Variants in ZIC4 observed in about 807,000 individuals in gnomAD.
ZIC4 encodes Zic family zinc finger 4, also known as zinc finger protein ZIC 4.
ZIC4 carries 15 observed loss-of-function variants against 28.8 expected under a neutral mutation model. That is an observed-to-expected ratio of 0.52 (90% CI 0.35 to 0.80). ZIC4 has a LOEUF of 0.80. ZIC4 is among the 30% of genes least tolerant of loss of function. ZIC4 has a pLI of 0.01. For synonymous variants in ZIC4, 220 were observed against 198.1 expected (o/e 1.11, Z -0.93); for missense variants, 512 against 467.1 (o/e 1.10, Z -0.89).
rs745722053 is a variant in ZIC4, at chr3:147,402,768, C to T, written c.30G>A (p.Arg10=). 4 of 1,613,708 alleles carry T rather than the reference C, an allele frequency of 2.5e-6. No individual in the cohort carries two copies. In the East Asian group the frequency reaches 6.7e-5, roughly 27 times the overall value. MRYKTSLVM[R]KRLRLYRNTL... ...TGTTTCGGTAAAGCCGTAATCGTTTCCTCATCACCAAGGATGTCTTGTATC... is the reference window on the plus strand; with the variant it reads ...TGTTTCGGTAAAGCCGTAATCGTTTTCTCATCACCAAGGATGTCTTGTATC... Residue 10 remains arginine, a synonymous_variant, in exon 2 of 5, where the codon AGG becomes AGA. Coordinates refer to ENST00000383075, the MANE Select transcript of ZIC4 (RefSeq NM_032153.6).
chr3:147,395,812 C>T, intron 3 of ZIC4, 40 bp downstream of exon 3: 2 of 1,577,902 alleles, frequency 1.3e-6, no homozygotes, highest in African/African-American at 1.3e-5. Context: ...GCCTGCTTCC[C>T]CAGAGGGTCC....
At position 147,389,075 on chromosome 3, in the gene ZIC4, T is replaced by C. The variant is rs576428097; in HGVS notation, c.*-216A>G. 4.2e-5 allele frequency: 25 copies of C among 592,112 alleles called. No individual in the cohort carries two copies. The South Asian group carries it at 5.0e-4, about 12-fold the overall frequency. 36.7% of individuals were successfully genotyped at this position (592,112 alleles called of 1,614,324 possible). ...TGCACCTTAGTGGTGGGGTTGGTGT[T>C]TCACTATGGGAAGGAGTTGTTTGTT... On this transcript the variant is annotated intron_variant, in intron 4 of 4. Coordinates refer to ENST00000383075, the MANE Select transcript of ZIC4 (RefSeq NM_032153.6).
intron 1 of ZIC4, chr3:147,404,020 C>A: frequency 1.3e-6 from 2 of 1,537,100 alleles, no homozygotes; most frequent in East Asian, 4.9e-5. Context: ...GCATTCTTCC[C>A]CAAAGGTAAT....
At chr3:147,405,348 T>A in intron 1 of ZIC4, 2 of 1,526,910 alleles carry the variant, frequency 1.3e-6, no homozygotes, top group Non-Finnish European at 8.8e-7. Flanking sequence ...AGGACAATAC[T>A]GTCGGAAAGC....
rs751062626 is a variant in ZIC4 at position 147,388,819 on chromosome 3, T to A, written c.*40A>T. On this transcript the variant is annotated 3_prime_UTR_variant, in exon 5 of 5. Coordinates refer to ENST00000383075, the MANE Select transcript of ZIC4 (RefSeq NM_032153.6). ...AGGCGCGAGATGCGGGGCGCTCAGC[T>A]GCGCGGAGCGAGATTACCTTGCGAG... The A allele has an allele frequency of 1.3e-6, 1 of 776,864 alleles. No homozygotes were observed. The highest frequency in any genetic ancestry group is 2.4e-5 in the East Asian group (1 of 41,180). The allele number at this position is 776,864 out of a possible 1,614,324, so 48.1% of individuals were successfully genotyped here.
At position 147,388,823 on chromosome 3, in the gene ZIC4, C is replaced by T; in HGVS notation, c.*36G>A. 3 of 777,760 alleles carry T rather than the reference C, an allele frequency of 3.9e-6. No individual in the cohort carries two copies. The South Asian group carries it at 4.1e-5, about 11-fold the overall frequency. 48.2% of individuals were successfully genotyped at this position (777,760 alleles called of 1,614,324 possible). On this transcript the variant is annotated 3_prime_UTR_variant, in exon 5 of 5. Coordinates refer to ENST00000383075, the MANE Select transcript of ZIC4 (RefSeq NM_032153.6). ...GCGAGATGCGGGGCGCTCAGCTGCG[C>T]GGAGCGAGATTACCTTGCGAGCAAC...
Position 147,396,558 on chromosome 3 carries a change from C to T in ZIC4, c.71-89G>A. The T allele has an allele frequency of 1.4e-6, 2 of 1,426,650 alleles. No individual in the cohort carries two copies. Among genetic ancestry groups the T allele is most frequent in the South Asian group, 1.5e-5 (1 of 64,628 alleles). The allele number at this position is 1,426,650 out of a possible 1,614,324, so 88.4% of individuals were successfully genotyped here. A position where few individuals can be genotyped will look rare whatever the true frequency, so the allele number is the denominator to read the frequency against. Reference sequence around the variant, plus strand: ...CCCCGGGGGGCAGGCCCAGCCCTGCCGCACTACGGCCTCTGCAGTCAGCCG... The same window carrying T: ...CCCCGGGGGGCAGGCCCAGCCCTGCTGCACTACGGCCTCTGCAGTCAGCCG... On this transcript the variant is annotated intron_variant, in intron 2 of 4. Coordinates refer to ENST00000383075, the MANE Select transcript of ZIC4 (RefSeq NM_032153.6). This position sits in a 1 kb window ranked among gnomAD's most constrained non-coding sequence, Gnocchi z 4.2.
Position 147,396,267 on chromosome 3 carries a change from A to T in ZIC4, c.273T>A (p.Ala91=). ...GPAARSDALA[A]AAALHGYGGM... is the part of the protein sequence containing the mutation. ...CCCCGTAGCCATGCAGGGCTGCGGC[A>T]GCTGCCAGGGCGTCGCTGCGGGCCG... Residue 91 remains alanine, a synonymous_variant, in exon 3 of 5, where the codon GCT becomes GCA. Coordinates refer to ENST00000383075, the MANE Select transcript of ZIC4 (RefSeq NM_032153.6). The surrounding 1 kb of genome is among the most constrained non-coding windows in gnomAD (Gnocchi z 4.2). 6.2e-7 allele frequency: 1 copy of T among 1,611,522 alleles called. No homozygotes were observed. The highest frequency in any genetic ancestry group is 8.5e-7 in the Non-Finnish European group (1 of 1,178,728).
chr3:147,404,444 G>T (rs2087232566), intron 1 of ZIC4, among the ~76,000 whole-genome samples: 1 of 152,162 alleles, frequency 6.6e-6, no homozygotes, highest in South Asian at 2.1e-4. Context: ...ATCTCCTTTA[G>T]TTCAAACTCT....
Position 147,395,875 on chromosome 3 carries a change from T to A in ZIC4, c.665A>T (p.Lys222Ile). The A allele has an allele frequency of 6.2e-7, 1 of 1,613,714 alleles. No homozygotes were observed. The highest frequency in any genetic ancestry group is 8.5e-7 in the Non-Finnish European group (1 of 1,179,720). ...ACCTGTGTGAGTTCGTTTGTGTATTTTGAGATTTTCTGATCTAGCAAAGAC... is the reference window on the plus strand; with the variant it reads ...ACCTGTGTGAGTTCGTTTGTGTATTATGAGATTTTCTGATCTAGCAAAGAC... ...GKVFARSENL[K>I]IHKRTHTGEK... Residue 222 changes from lysine to isoleucine, a missense_variant, in exon 3 of 5, where the codon AAA becomes ATA. Physicochemically the swap from Lys to Ile is moderately radical, Grantham distance 102. This residue lies in a region of ZIC4 where 58 missense variants were observed against 93.8 expected (regional missense o/e 0.62). Coordinates refer to ENST00000383075, the MANE Select transcript of ZIC4 (RefSeq NM_032153.6).
At chr3:147,391,498 G>C (rs934915791) in intron 3 of ZIC4, 4 of 401,450 alleles carry the variant, frequency 1.0e-5, no homozygotes, top group Non-Finnish European at 1.8e-5. Flanking sequence ...GAGGAGGAGC[G>C]ACAGTGACTC....
rs918323197 is a variant in ZIC4 at position 147,396,662 on chromosome 3, G to T, written c.71-193C>A. The T allele has an allele frequency of 3.2e-6, 2 of 631,264 alleles. No individual in the cohort carries two copies. Among genetic ancestry groups the T allele is most frequent in the Non-Finnish European group, 4.9e-6 (2 of 409,198 alleles). The allele number at this position is 631,264 out of a possible 1,614,324, so 39.1% of individuals were successfully genotyped here. A position where few individuals can be genotyped will look rare whatever the true frequency, so the allele number is the denominator to read the frequency against. On this transcript the variant is annotated intron_variant, in intron 2 of 4. Coordinates refer to ENST00000383075, the MANE Select transcript of ZIC4 (RefSeq NM_032153.6). The surrounding 1 kb of genome is among the most constrained non-coding windows in gnomAD (Gnocchi z 4.2). ...CAAACACCTCCGCCGCCATTGGGCC[G>T]AATTGCTGTTGGGCCAAGTCCCCCG...
Position 147,402,811 on chromosome 3 carries a change from G to A in ZIC4, c.-14C>T. On this transcript the variant is annotated splice_region_variant and 5_prime_UTR_variant, in exon 2 of 5. Transcript: ENST00000383075. The stretch of plus-strand genomic sequence containing the variant: ...CTTGTATCTCATTTTCTGACTTTGA[G>A]CCTGTTTGGGAAGAAAAGAGTGACA... The A allele has an allele frequency of 6.2e-7, 1 of 1,613,402 alleles. No individual in the cohort carries two copies. The highest frequency in any genetic ancestry group is 1.3e-5 in the African/African-American group (1 of 74,978).
At chr3:147,399,086 T>C (rs1472366978) in intron 2 of ZIC4, among the ~76,000 whole-genome samples, 2 of 151,544 alleles carry the variant, frequency 1.3e-5, no homozygotes, top group Non-Finnish European at 2.9e-5. Flanking sequence ...TACTCCTCAG[T>C]ATTTAAAAAA....
chr3:147,398,425 G>C (rs2087096208), intron 2 of ZIC4, among the ~76,000 whole-genome samples: 1 of 152,066 alleles, frequency 6.6e-6, no homozygotes, highest in Non-Finnish European at 1.5e-5. Context: ...TCCAGTGCTA[G>C]GGGGGCCACT....
intron 3 of ZIC4, chr3:147,393,273 G>A (rs1355235440): frequency 1.3e-5 from 2 of 152,430 alleles, no homozygotes; most frequent in African/African-American, 4.8e-5. Context: ...GAGTGATACC[G>A]GCAGCCGGGA....
intron 3 of ZIC4, chr3:147,392,348 T>C: frequency 3.0e-6 from 3 of 985,496 alleles, no homozygotes; most frequent in Non-Finnish European, 3.6e-6. Context: ...CGATGCCCTG[T>C]AGAGCCGAGG....
chr3:147,402,853 T>C, intron 1 of ZIC4, 41 bp from the exon 2 acceptor site: 1 of 1,546,234 alleles, frequency 6.5e-7, no homozygotes, highest in Non-Finnish European at 8.9e-7. Context: ...AGTTAAACAA[T>C]TTTACACGTC....
intron 1 of ZIC4, chr3:147,404,416 C>G (rs2087231797): frequency 7.2e-6 from 4 of 553,198 alleles, no homozygotes; most frequent in Non-Finnish European, 7.3e-6. Flanking sequence ...ACAGCCTACA[C>G]AGGGAACTAG....
Sources: allele counts gnomAD v4.1 joint callset (sites outside exome capture counted in the v4.1 genomes callset), GRCh38; gene constraint gnomAD v4.1.1; regional missense constraint gnomAD v4.1.1; non-coding constraint Gnocchi (gnomAD v3.1); transcripts MANE v1.5; gene names NCBI Gene and HGNC (gene_info 2026-07-23, HGNC 2026-07-21).